Variants in ADAMTS15 observed in about 807,000 individuals in gnomAD.
The protein encoded by ADAMTS15 is ADAM metallopeptidase with thrombospondin type 1 motif 15, also known as A disintegrin and metalloproteinase with thrombospondin motifs 15.
In ADAMTS15, 35 loss-of-function variants were observed where a neutral mutation model predicts 79.1. The ratio of observed to expected loss-of-function variants is 0.44; its 90% CI spans 0.34 to 0.59. The LOEUF (loss-of-function observed/expected upper bound fraction) is 0.59, where lower values mean the gene tolerates loss of function less well. Among genes scored for constraint, ADAMTS15 ranks in the 20% least tolerant of loss-of-function variants. The pLI is 0.02. For missense variants in ADAMTS15, 1,324 were observed against 1,318.7 expected, an observed-to-expected ratio of 1.00 and a Z score of -0.06; for synonymous variants, 616 against 567.3, an observed-to-expected ratio of 1.09 and a Z score of -1.22.
intron 1 of ADAMTS15, among the ~76,000 whole-genome samples, chr11:130,452,739 T>G (rs1937990167): frequency 6.6e-6 from 1 of 152,202 alleles, no homozygotes; most frequent in African/African-American, 2.4e-5. Flanking sequence ...TCCCAGCACT[T>G]TGGGAGGCCA....
intron 5 of ADAMTS15, among the ~76,000 whole-genome samples, chr11:130,470,146 ATATATG>A (rs1177153405): frequency 2.5e-4 from 15 of 58,866 alleles, no homozygotes; most frequent in African/African-American, 3.7e-4. Flanking sequence ...ATATATATAT[ATATATG>A]TGTATATATA....
chr11:130,450,057 C>T (rs936311531), intron 1 of ADAMTS15, 127 bp downstream of exon 1: 32 of 1,487,662 alleles, frequency 2.2e-5, no homozygotes, highest in Non-Finnish European at 2.5e-5. Context: ...TCTCTTCCGA[C>T]TCCAACTCTG....
chr11:130,475,318 T>C lies in ADAMTS15; in HGVS notation c.*1497T>C, dbSNP rs1003349182. ...CTGTCTTATAGACATGTCAGGAAAA[T>C]AGAAACAGGCATTTTCTCTAGCTCC... is the stretch of plus-strand genomic sequence containing the variant. On this transcript the variant is annotated 3_prime_UTR_variant, in exon 8 of 8. Coordinates refer to ENST00000299164, the MANE Select transcript of ADAMTS15 (RefSeq NM_139055.4). The C allele has an allele frequency of 6.6e-6, 1 of 152,196 alleles. No individual in the cohort carries two copies. Among genetic ancestry groups the C allele is most frequent in the African/African-American group, 2.4e-5 (1 of 41,454 alleles). 9.4% of individuals were successfully genotyped at this position (152,196 alleles called of 1,614,324 possible). A position where few individuals can be genotyped will look rare whatever the true frequency, so the allele number is the denominator to read the frequency against.
intron 4 of ADAMTS15, among the ~76,000 whole-genome samples, chr11:130,465,208 A>G (rs948394184): frequency 1.3e-5 from 2 of 151,976 alleles, no homozygotes; most frequent in Non-Finnish European, 2.9e-5. Flanking sequence ...CGGGGGAAAA[A>G]ACCAAGTAAT....
chr11:130,470,164 A>ACATATATATATATG (rs60813103), intron 5 of ADAMTS15, among the ~76,000 whole-genome samples: 2 of 58,248 alleles, frequency 3.4e-5, no homozygotes, highest in African/African-American at 2.1e-4. Flanking sequence ...GTATATATAT[A>ACATATATATATATG]TATATATATA....
intron 4 of ADAMTS15, among the ~76,000 whole-genome samples, chr11:130,464,235 T>C (rs533041647): frequency 6.6e-6 from 1 of 152,152 alleles, no homozygotes; most frequent in Non-Finnish European, 1.5e-5. Flanking sequence ...TGAGATAATA[T>C]TGGATAGAGA....
intron 5 of ADAMTS15, 36 bp downstream of exon 5, chr11:130,469,475 G>A: frequency 7.7e-7 from 1 of 1,303,578 alleles, no homozygotes; most frequent in Non-Finnish European, 9.8e-7. Flanking sequence ...CTGGGCCCAG[G>A]GGAGGTGAGG....
chr11:130,470,791 G>A lies in ADAMTS15; in HGVS notation c.1721-129G>A, dbSNP rs1243370845. 9.8e-6 allele frequency: 10 copies of A among 1,017,260 alleles called. No homozygotes were observed. The East Asian group carries it at 1.9e-4, about 20-fold the overall frequency. The allele number at this position is 1,017,260 out of a possible 1,614,324, so 63.0% of individuals were successfully genotyped here. ...CTGCTTTAGTGCTTTCAGATGGGGG[G>A]AGGTTGCAGCTTTGGTGATGAGGGT... On this transcript the variant is annotated intron_variant, in intron 5 of 7. Coordinates refer to ENST00000299164, the MANE Select transcript of ADAMTS15 (RefSeq NM_139055.4).
rs1239891996 is a variant in ADAMTS15 at position 130,470,189 on chromosome 11, T to C, written c.1721-731T>C. Among the ~76,000 whole-genome samples the C allele has an allele frequency of 3.8e-4, 19 of 49,834 alleles. 1 individual carries two copies. Among genetic ancestry groups the C allele is most frequent in the South Asian group, 2.6e-3 (5 of 1,898 alleles). 32.7% of individuals were successfully genotyped at this position (49,834 alleles called of 152,430 possible). ...ATATATATATATATATATGTGTGTA[T>C]ATATATATATATATATATATGTATA... is the stretch of plus-strand genomic sequence containing the variant. On this transcript the variant is annotated intron_variant, in intron 5 of 7. Coordinates refer to ENST00000299164, the MANE Select transcript of ADAMTS15 (RefSeq NM_139055.4).
At chr11:130,467,568 G>C (rs1938327844) in intron 4 of ADAMTS15, among the ~76,000 whole-genome samples, 1 of 152,124 alleles carries the variant, frequency 6.6e-6, no homozygotes. Flanking sequence ...GCCAGTTCCT[G>C]CTTAGTTCCA....
chr11:130,461,482 C>T lies in ADAMTS15; in HGVS notation c.958-7C>T, dbSNP rs545570092. ...GGGCTGGCTTCTGCTTCTCCCCCAC[C>T]CGGCAGGACCTGTGTGGAGCCACCA... On this transcript the variant is annotated splice_polypyrimidine_tract_variant and splice_region_variant and intron_variant, in intron 1 of 7. Transcript: ENST00000299164. The T allele has an allele frequency of 6.7e-5, 108 of 1,614,058 alleles. 2 individuals are homozygous for T. The South Asian group carries it at 1.1e-3, about 16-fold the overall frequency.
At position 130,473,322 on chromosome 11, in the gene ADAMTS15, C is replaced by G; in HGVS notation, c.2354C>G (p.Ser785Cys). The G allele has an allele frequency of 6.2e-7, 1 of 1,613,078 alleles. No individual in the cohort carries two copies. Among genetic ancestry groups the G allele is most frequent in the Non-Finnish European group, 8.5e-7 (1 of 1,180,002 alleles). ...ILEPLTVEVLSVGKMTPPRVR... is the reference protein window; with the variant it reads ...ILEPLTVEVLCVGKMTPPRVR... ...GAGCCGCTGACCGTGGAGGTCCTCT[C>G]CGTGGGGAAGATGACACCGCCCCGG... The change falls in exon 8 of 8, where the codon TCC becomes TGC. Residue 785 changes from serine (S) to cysteine (C), a missense_variant. By Grantham distance (112) the Ser-to-Cys change is moderately radical (BLOSUM62 -1). Coordinates refer to ENST00000299164, the MANE Select transcript of ADAMTS15 (RefSeq NM_139055.4).
intron 4 of ADAMTS15, among the ~76,000 whole-genome samples, chr11:130,463,021 A>T (rs1038409927): frequency 6.6e-6 from 1 of 152,224 alleles, no homozygotes; most frequent in African/African-American, 2.4e-5. Flanking sequence ...CCTCAGACAC[A>T]TGGGGAAAAG....
intron 1 of ADAMTS15, among the ~76,000 whole-genome samples, chr11:130,452,079 T>G (rs1937973650): frequency 6.6e-6 from 1 of 152,128 alleles, no homozygotes; most frequent in South Asian, 2.1e-4. Flanking sequence ...AGCTCAGACT[T>G]CAGGGCCTAC....
In ADAMTS15 at chr11:130,462,899, A is replaced by T; in HGVS notation, c.1542+119A>T. 7.3e-7 allele frequency: 1 copy of T among 1,366,336 alleles called. No homozygotes were observed. 84.6% of individuals were successfully genotyped at this position (1,366,336 alleles called of 1,614,324 possible). ...CCTATCACAGACTGGCCACGGGACC[A>T]GCACTGTTGCATGGCTGAGCTGTGC... On this transcript the variant is annotated intron_variant, in intron 4 of 7. Coordinates refer to ENST00000299164, the MANE Select transcript of ADAMTS15 (RefSeq NM_139055.4). This position sits in a 1 kb window ranked among gnomAD's most constrained non-coding sequence, Gnocchi z 4.3.
At position 130,471,273 on chromosome 11, in the gene ADAMTS15, G is replaced by A. The variant is rs199956158; in HGVS notation, c.1968G>A (p.Lys656=). The A allele has an allele frequency of 2.5e-6, 4 of 1,613,292 alleles. No individual in the cohort carries two copies. Among genetic ancestry groups the A allele is most frequent in the East Asian group, 2.2e-5 (1 of 44,866 alleles). ...TCTGTGTCCAAGGCAAGTGCATCAA[G>A]GCTGGCTGTGATGGGAACCTGGGCT... The part of the protein sequence containing the change: ...TSVCVQGKCI[K]AGCDGNLGSK... The change falls in exon 7 of 8, where the codon AAG becomes AAA. Residue 656 remains lysine (K), a synonymous_variant. Coordinates refer to ENST00000299164, the MANE Select transcript of ADAMTS15 (RefSeq NM_139055.4).
intron 4 of ADAMTS15, among the ~76,000 whole-genome samples, chr11:130,469,059 C>T (rs1165373770): frequency 1.3e-5 from 2 of 151,176 alleles, no homozygotes; most frequent in East Asian, 2.0e-4. Flanking sequence ...TTGCTGTTTG[C>T]TCATTAGTTG....
chr11:130,460,019 G>C (rs1314356676), intron 1 of ADAMTS15, among the ~76,000 whole-genome samples: 1 of 152,180 alleles, frequency 6.6e-6, no homozygotes, highest in Non-Finnish European at 1.5e-5. Context: ...ATGTTGTGAG[G>C]ATTAAATAGG....
rs1175048807 is a variant in ADAMTS15 at position 130,473,797 on chromosome 11, CTTCTGCGT to C, written c.2830_2837del (p.Phe944ProfsTer148). On this transcript the variant is annotated frameshift_variant, in exon 8 of 8. Transcript: ENST00000299164. LOFTEE classifies it high-confidence loss of function. Reference sequence around the variant, plus strand: ...TGCACCGCAAGCCCCAGGAGCTGGACTTCTGCGTCCTGAGGCCGTGCTGAGTGGGGTCA... The same window carrying C: ...TGCACCGCAAGCCCCAGGAGCTGGACCCTGAGGCCGTGCTGAGTGGGGTCA... The C allele has an allele frequency of 6.3e-6, 10 of 1,597,382 alleles. No individual in the cohort carries two copies. The highest frequency in any genetic ancestry group is 1.3e-5 in the African/African-American group (1 of 74,910).
Sources: gnomAD v4.1 joint callset for allele counts (sites outside exome capture counted in the v4.1 genomes callset) on GRCh38, gnomAD v4.1.1 for gene constraint, Gnocchi (gnomAD v3.1) non-coding constraint, MANE v1.5 for transcripts, NCBI Gene and HGNC (gene_info 2026-07-23, HGNC 2026-07-21) for gene names.